Variants in USP1 observed in about 807,000 individuals in gnomAD.
The protein encoded by USP1 is ubiquitin carboxyl-terminal hydrolase 1.
USP1 carries 18 observed loss-of-function variants against 72.2 expected under a neutral mutation model. The ratio of observed to expected loss-of-function variants is 0.25; its 90% confidence interval spans 0.17 to 0.37. The LOEUF is 0.37. Among genes scored for constraint, USP1 ranks in the 10% least tolerant of loss-of-function variants. The probability of loss-of-function intolerance (pLI) is 1.00; values close to 1 mark genes in which losing one functional copy is unlikely to be tolerated. For synonymous variants in USP1, 354 were observed against 303.7 expected, an observed-to-expected ratio of 1.17 and a Z score of -1.72; for missense variants, 759 against 884.9, an observed-to-expected ratio of 0.86 and a Z score of 1.81.
At chr1:62,445,885 A>G (rs1270189128) in intron 6 of USP1, among the ~76,000 whole-genome samples, 2 of 152,166 alleles carry the variant, frequency 1.3e-5, no homozygotes, top group African/African-American at 4.8e-5. Flanking sequence ...AGGCTGAGGC[A>G]GGAGAATCGC....
At position 62,444,854 on chromosome 1, in the gene USP1, A is replaced by C. The variant is rs757924268; in HGVS notation, c.674A>C (p.Asn225Thr). 3.1e-6 allele frequency: 5 copies of C among 1,613,388 alleles called. No homozygotes were observed. The Admixed American group carries it at 5.0e-5, about 16-fold the overall frequency. ...CQLLKKEEVKNVAELPTKVEE... is the reference protein window; with the variant it reads ...CQLLKKEEVKTVAELPTKVEE... ...CTCCTAAAAAAAGAAGAAGTAAAAAATGTGGCAGAATTACCTACTAAGGTA... is the reference window on the plus strand; with the variant it reads ...CTCCTAAAAAAAGAAGAAGTAAAAACTGTGGCAGAATTACCTACTAAGGTA... Residue 225 changes from asparagine to threonine, a missense_variant, in exon 6 of 9, where the codon AAT (asparagine) becomes ACT (threonine). Physicochemically the swap from Asn to Thr is moderately conservative, Grantham distance 65. This residue lies in a region of USP1 where 245 missense variants were observed against 240.7 expected (regional missense o/e 1.02). Transcript: ENST00000339950.
intron 5 of USP1, among the ~76,000 whole-genome samples, chr1:62,444,303 A>G (rs614665): frequency 0.034 from 5,032 of 149,790 alleles, 330 homozygotes; most frequent in African/African-American, 0.12. Context: ...GTGGTGGCCA[A>G]GAGCGGGTTT....
chr1:62,444,951 T>G lies in USP1; in HGVS notation c.771T>G (p.Ser257=), dbSNP rs1033320973. Residue 257 remains serine, a synonymous_variant, in exon 6 of 9, where the codon TCT becomes TCG. Coordinates refer to ENST00000339950, the MANE Select transcript of USP1 (RefSeq NM_003368.5). Reference sequence around the variant, plus strand: ...TAGAGATGGACAGTATGAGGCATTCTGAAGACTTTAAAGAGAAACTCCCAA... The same window carrying G: ...TAGAGATGGACAGTATGAGGCATTCGGAAGACTTTAAAGAGAAACTCCCAA... ...NSIEMDSMRH[S]EDFKEKLPKG... 6.2e-7 allele frequency: 1 copy of G among 1,613,632 alleles called. No homozygotes were observed. Among genetic ancestry groups the G allele is most frequent in the Non-Finnish European group, 8.5e-7 (1 of 1,179,880 alleles).
Position 62,443,110 on chromosome 1 carries a change from A to G in USP1, c.397-49A>G, listed in dbSNP as rs375419115. ...TGAGACAAAGACAAAGGGGGAAGGT[A>G]CTTAATTTGTTCATAAAATTATTGG... On this transcript the variant is annotated intron_variant, in intron 4 of 8. Coordinates refer to ENST00000339950, the MANE Select transcript of USP1 (RefSeq NM_003368.5). The G allele has an allele frequency of 9.6e-5, 151 of 1,571,562 alleles. No homozygotes were observed. In the African/African-American group the frequency reaches 1.9e-3, roughly 20 times the overall value.
upstream of USP1, chr1:62,436,937 C>T (rs974648227): frequency 1.0e-5 from 4 of 394,548 alleles, no homozygotes; most frequent in Admixed American, 8.9e-5. Flanking sequence ...ACGGCTCCTG[C>T]CTTTCGTGTC....
chr1:62,450,054 T>C (rs1645203095), intron 8 of USP1, among the ~76,000 whole-genome samples, 192 bp from the exon 9 acceptor site: 1 of 152,080 alleles, frequency 6.6e-6, no homozygotes, highest in Non-Finnish European at 1.5e-5. Context: ...TTAGCAGTTA[T>C]TTATTTTTTT....
chr1:62,450,484 A>C lies in USP1; in HGVS notation c.1861A>C (p.Ile621Leu). 6.2e-7 allele frequency: 1 copy of C among 1,614,126 alleles called. No homozygotes were observed. Residue 621 changes from isoleucine (I) to leucine (L), a missense_variant, in exon 9 of 9, where the codon ATA becomes CTA. Transcript: ENST00000339950. The part of the protein sequence containing the change: ...GNFVVDQMCE[I>L]GKPEPLNEEE... ...TTTTGTGGTTGACCAAATGTGTGAA[A>C]TAGGTAAGCCAGAACCATTGAATGA... is the stretch of plus-strand genomic sequence containing the variant.
At chr1:62,445,503 A>G (rs777441144) in intron 6 of USP1, 74 bp downstream of exon 6, 2 of 1,315,600 alleles carry the variant, frequency 1.5e-6, no homozygotes, top group East Asian at 5.0e-5. Context: ...CTTCCTAGAT[A>G]CATGTACAAT....
At chr1:62,438,159 T>C (rs1645105068) in intron 1 of USP1, among the ~76,000 whole-genome samples, 1 of 152,146 alleles carries the variant, frequency 6.6e-6, no homozygotes, top group Non-Finnish European at 1.5e-5. Flanking sequence ...GTTTTTTGAT[T>C]AAGCTGACGA....
Position 62,450,637 on chromosome 1 carries a change from C to A in USP1, c.2014C>A (p.Gln672Lys). 6.2e-7 allele frequency: 1 copy of A among 1,614,000 alleles called. No homozygotes were observed. The highest frequency in any genetic ancestry group is 1.7e-4 in the Middle Eastern group (1 of 6,058). Residue 672 changes from glutamine (Q) to lysine (K), a missense_variant, in exon 9 of 9, where the codon CAA becomes AAA. Physicochemically the swap from Gln to Lys is moderately conservative, Grantham distance 53. Around this residue, in one of 9 missense-constraint regions of USP1, gnomAD observed 159 missense variants for 140.9 expected, o/e 1.13. Coordinates refer to ENST00000339950, the MANE Select transcript of USP1 (RefSeq NM_003368.5). ...AGAAGCTATTGGACTTCTTGGAGGA[C>A]AAAAGAGCAAAGCAGATTATGAGCT... is the stretch of plus-strand genomic sequence containing the variant. ...NVEAIGLLGG[Q>K]KSKADYELYN...
intron 5 of USP1, 72 bp from the exon 6 acceptor site, chr1:62,444,666 T>C: frequency 2.6e-6 from 3 of 1,158,886 alleles, no homozygotes; most frequent in Non-Finnish European, 3.4e-6. Context: ...TTACATGAAT[T>C]AATTTCTATA....
chr1:62,447,651 C>A, intron 7 of USP1, 140 bp downstream of exon 7: 1 of 848,148 alleles, frequency 1.2e-6, no homozygotes, highest in Non-Finnish European at 1.7e-6. Context: ...TTCTGCTTAT[C>A]TGGCTTCACT....
chr1:62,446,801 T>G, intron 6 of USP1, among the ~76,000 whole-genome samples: 1 of 152,078 alleles, frequency 6.6e-6, no homozygotes, highest in East Asian at 1.9e-4. Flanking sequence ...CAACTGACTT[T>G]TTTTTATTTT....
chr1:62,448,604 G>T lies in USP1; in HGVS notation c.1560G>T (p.Leu520Phe). Residue 520 changes from leucine (L) to phenylalanine (F), a missense_variant, in exon 8 of 9, where the codon TTG becomes TTT. Coordinates refer to ENST00000339950, the MANE Select transcript of USP1 (RefSeq NM_003368.5). ...ATACTGAAGCTGAACGAAGTCTTTT[G>T]TTTGACAAAATGCCTGAAGTTATAA... ...HHYTEAERSL[L>F]FDKMPEVITI... 1 of 1,613,764 alleles carries T rather than the reference G, an allele frequency of 6.2e-7. No individual in the cohort carries two copies. The highest frequency in any genetic ancestry group is 8.5e-7 in the Non-Finnish European group (1 of 1,179,900).
chr1:62,444,746 A>G lies in USP1; in HGVS notation c.566A>G (p.Asn189Ser). ...RRLLNTLRELNPMYEGYLQHD... is the reference protein window; with the variant it reads ...RRLLNTLRELSPMYEGYLQHD... ...GAAATTTTTATTTATAGGGAACTCA[A>G]CCCTATGTATGAAGGATATCTACAG... The change falls in exon 6 of 9, where the codon AAC becomes AGC. Residue 189 changes from asparagine to serine, a missense_variant. Physicochemically the swap from Asn to Ser is conservative, Grantham distance 46 (BLOSUM62 1). This residue lies in a region of USP1 where 16 missense variants were observed against 44.6 expected (regional missense o/e 0.36). Transcript: ENST00000339950. 1.3e-6 allele frequency: 2 copies of G among 1,570,974 alleles called. No homozygotes were observed. Among genetic ancestry groups the G allele is most frequent in the East Asian group, 2.3e-5 (1 of 44,260 alleles).
intron 2 of USP1, 38 bp downstream of exon 2, chr1:62,440,075 A>G: frequency 7.2e-7 from 1 of 1,385,660 alleles, no homozygotes; most frequent in South Asian, 2.0e-5. Context: ...AAAATTCTAC[A>G]GTAAAGCAGC....
chr1:62,440,176 A>G, intron 2 of USP1, 139 bp downstream of exon 2: 1 of 664,688 alleles, frequency 1.5e-6, no homozygotes, highest in Non-Finnish European at 2.2e-6. Context: ...CAAATCTAGC[A>G]GTTTATAGTA....
chr1:62,450,127 A>T (rs1645203662), intron 8 of USP1, 119 bp from the exon 9 acceptor site: 1 of 1,236,796 alleles, frequency 8.1e-7, no homozygotes, highest in Admixed American at 2.9e-5. Flanking sequence ...TGCTTTTCTG[A>T]TATATGAACA....
chr1:62,448,434 A>ACT, intron 7 of USP1, 31 bp from the exon 8 acceptor site: 1 of 1,595,792 alleles, frequency 6.3e-7, no homozygotes, highest in Non-Finnish European at 8.6e-7. Context: ...GCCTGAGAGA[A>ACT]GTATTTGAGT....
Sources: allele counts gnomAD v4.1 joint callset (sites outside exome capture counted in the v4.1 genomes callset), GRCh38; gene constraint gnomAD v4.1.1; regional missense constraint gnomAD v4.1.1; transcripts MANE v1.5; gene names NCBI Gene and HGNC (gene_info 2026-07-23, HGNC 2026-07-21).